The following SULT4A1 variants were observed in gnomAD, a reference collection of about 807,000 sequenced individuals.
SULT4A1 encodes the protein sulfotransferase family 4A member 1.
A neutral mutation model predicts 35.2 loss-of-function variants in SULT4A1; 11 were observed. The observed-to-expected ratio is 0.31, with a 90% CI of 0.20 to 0.52. The LOEUF (loss-of-function observed/expected upper bound fraction) is 0.52, where lower values mean the gene tolerates loss of function less well. Ranked by LOEUF, SULT4A1 falls within the 20% of genes least tolerant of loss-of-function variation. SULT4A1 has a pLI of 0.97. For missense variants in SULT4A1, 271 were observed against 383.7 expected (o/e 0.71, Z 2.45); for synonymous variants, 152 against 151.8 (o/e 1.00, Z -0.01).
rs768152845 is a variant in SULT4A1, at chr22:43,840,068, AGACCAAGGGGAG to A, written c.301-55_301-44del. 7 of 1,492,428 alleles carry A rather than the reference AGACCAAGGGGAG, an allele frequency of 4.7e-6. No individual in the cohort carries two copies. The South Asian group carries it at 7.2e-5, about 15-fold the overall frequency. The allele number at this position is 1,492,428 out of a possible 1,614,324, so 92.4% of individuals were successfully genotyped here. A position where few individuals can be genotyped will look rare whatever the true frequency, so the allele number is the denominator to read the frequency against. On this transcript the variant is annotated intron_variant, in intron 2 of 6. Transcript: ENST00000330884. ...GAGAGGCAGGTCAGAGGAAAGGGTG[AGACCAAGGGGAG>A]GAGTGGGGCCAAGGGGAAGGGGGCC... is the stretch of plus-strand genomic sequence containing the variant.
At chr22:43,841,680 A>G (rs2063430539) in intron 2 of SULT4A1, 122 bp downstream of exon 2, 10 of 1,442,982 alleles carry the variant, frequency 6.9e-6, no homozygotes, top group Non-Finnish European at 9.3e-6. Context: ...TCCCCTGGCT[A>G]TCTGGGGCTA....
At chr22:43,858,339 C>T (rs1386612815) in intron 1 of SULT4A1, among the ~76,000 whole-genome samples, 1 of 152,172 alleles carries the variant, frequency 6.6e-6, no homozygotes, top group Non-Finnish European at 1.5e-5. Flanking sequence ...AGAAGTCATT[C>T]TGCAGGCTTT....
At chr22:43,829,228 C>A (rs1450245038) in intron 5 of SULT4A1, 30 bp from the exon 6 acceptor site, 2 of 1,509,354 alleles carry the variant, frequency 1.3e-6, no homozygotes, top group African/African-American at 2.8e-5. Flanking sequence ...AGCAGAGCAG[C>A]CCATCAGAGG....
At chr22:43,847,318 C>T (rs933098661) in intron 1 of SULT4A1, among the ~76,000 whole-genome samples, 1 of 152,246 alleles carries the variant, frequency 6.6e-6, no homozygotes, top group Non-Finnish European at 1.5e-5. Flanking sequence ...TATCTGGTCA[C>T]TTACCCCATT....
chr22:43,843,303 T>C (rs1381166765), intron 1 of SULT4A1, among the ~76,000 whole-genome samples: 3 of 152,176 alleles, frequency 2.0e-5, no homozygotes, highest in Non-Finnish European at 4.4e-5. Context: ...ACATCTGTAG[T>C]GCCAGCTACT....
At chr22:43,837,164 T>G (rs113707697) in intron 4 of SULT4A1, among the ~76,000 whole-genome samples, 9,555 of 152,196 alleles carry the variant, frequency 0.063, 715 homozygotes, top group African/African-American at 0.18. Context: ...CGGTCCTCAG[T>G]ATGTGCGTGC....
intron 1 of SULT4A1, among the ~76,000 whole-genome samples, chr22:43,859,973 G>C (rs1477044791): frequency 6.6e-6 from 1 of 152,214 alleles, no homozygotes; most frequent in Non-Finnish European, 1.5e-5. Context: ...AAGAATCCGA[G>C]CAAGCAGCAC....
At chr22:43,861,739 G>A (rs902842662) in intron 1 of SULT4A1, among the ~76,000 whole-genome samples, 11 of 152,336 alleles carry the variant, frequency 7.2e-5, no homozygotes, top group Non-Finnish European at 1.0e-4. Flanking sequence ...TGGAAAGGAG[G>A]GACGTTACGT....
At chr22:43,855,617 C>G (rs1159567387) in intron 1 of SULT4A1, among the ~76,000 whole-genome samples, 2 of 152,172 alleles carry the variant, frequency 1.3e-5, no homozygotes, top group East Asian at 3.9e-4. Flanking sequence ...CCTCTCGCTC[C>G]CTCCAGAAGC....
intron 6 of SULT4A1, chr22:43,827,755 C>CA: frequency 3.1e-6 from 1 of 326,794 alleles, no homozygotes; most frequent in Non-Finnish European, 6.1e-6. Flanking sequence ...CGCTGCTTCA[C>CA]CACACACACA....
intron 4 of SULT4A1, among the ~76,000 whole-genome samples, chr22:43,837,124 C>T (rs1603405683): frequency 6.6e-6 from 1 of 152,212 alleles, no homozygotes; most frequent in Non-Finnish European, 1.5e-5. Context: ...TAGTTTCCAC[C>T]GTCTTCAGGA....
At chr22:43,837,569 G>A (rs2063387532) in intron 4 of SULT4A1, among the ~76,000 whole-genome samples, 1 of 152,162 alleles carries the variant, frequency 6.6e-6, no homozygotes, top group African/African-American at 2.4e-5. Flanking sequence ...GGGGCTTCAG[G>A]GTGCGGTCTG....
intron 6 of SULT4A1, among the ~76,000 whole-genome samples, chr22:43,828,293 C>G (rs913690011): frequency 2.6e-5 from 4 of 152,236 alleles, no homozygotes; most frequent in Non-Finnish European, 5.9e-5. Context: ...AAGGCCAGCA[C>G]CCTGGGATTC....
intron 1 of SULT4A1, among the ~76,000 whole-genome samples, chr22:43,848,663 T>C (rs1011846535): frequency 6.6e-6 from 1 of 152,190 alleles, no homozygotes; most frequent in Admixed American, 6.5e-5. Context: ...GTGAGGCCTG[T>C]CATGTTGCTG....
Position 43,862,245 on chromosome 22 carries a change from G to A in SULT4A1, c.138C>T (p.Ser46=), listed in dbSNP as rs755287723. Reference sequence around the variant, plus strand: ...TGGGGTAGGTGACGATCCACACGTCGCTGGGCCGCACCGGGAAGTTGGCGA... The same window carrying A: ...TGGGGTAGGTGACGATCCACACGTCACTGGGCCGCACCGGGAAGTTGGCGA... The part of the protein sequence containing the change: ...EEIANFPVRP[S]DVWIVTYPKS... Residue 46 remains serine, a synonymous_variant, in exon 1 of 7, where the codon AGC becomes AGT. Coordinates refer to ENST00000330884, the MANE Select transcript of SULT4A1 (RefSeq NM_014351.4). 3.1e-5 allele frequency: 49 copies of A among 1,567,378 alleles called. No homozygotes were observed. In the East Asian group the frequency reaches 5.0e-4, roughly 16 times the overall value.
chr22:43,860,415 C>T (rs1010440306), intron 1 of SULT4A1, among the ~76,000 whole-genome samples: 10 of 152,214 alleles, frequency 6.6e-5, no homozygotes, highest in Admixed American at 2.0e-4. Context: ...GCCTTTCCAG[C>T]GTGTGTCTGG....
Position 43,862,311 on chromosome 22 carries a change from G to C in SULT4A1, c.72C>G (p.Gly24=). 6.4e-7 allele frequency: 1 copy of C among 1,561,970 alleles called. No individual in the cohort carries two copies. Among genetic ancestry groups the C allele is most frequent in the Non-Finnish European group, 8.7e-7 (1 of 1,153,014 alleles). ...EFESKYFEFH[G]VRLPPFCRGK... is the part of the protein sequence containing the mutation. ...CGCGGCAGAAGGGCGGCAGCCGCAC[G>C]CCATGGAACTCGAAGTACTTGCTCT... Residue 24 remains glycine (G), a synonymous_variant, in exon 1 of 7, where the codon GGC becomes GGG. Coordinates refer to ENST00000330884, the MANE Select transcript of SULT4A1 (RefSeq NM_014351.4).
In SULT4A1 at chr22:43,824,752, A is replaced by G. The variant is rs2038442448; in HGVS notation, c.*1249T>C. ...CAAGCTTCTCTCTACACCCGTTTCA[A>G]ATACAGCACCAAGAACGGAGACCCC... On this transcript the variant is annotated 3_prime_UTR_variant, in exon 7 of 7. Coordinates refer to ENST00000330884, the MANE Select transcript of SULT4A1 (RefSeq NM_014351.4). 1 of 152,144 alleles carries G rather than the reference A, an allele frequency of 6.6e-6. No individual in the cohort carries two copies. The highest frequency in any genetic ancestry group is 2.4e-5 in the African/African-American group (1 of 41,388). The allele number at this position is 152,144 out of a possible 1,614,324, so 9.4% of individuals were successfully genotyped here. A position where few individuals can be genotyped will look rare whatever the true frequency, so the allele number is the denominator to read the frequency against.
intron 4 of SULT4A1, among the ~76,000 whole-genome samples, chr22:43,837,170 C>T (rs1289051301): frequency 6.6e-6 from 1 of 152,186 alleles, no homozygotes; most frequent in East Asian, 1.9e-4. Flanking sequence ...TCAGTATGTG[C>T]GTGCTCACTG....
Sources: gnomAD v4.1 joint callset for allele counts (sites outside exome capture counted in the v4.1 genomes callset) on GRCh38, gnomAD v4.1.1 for gene constraint, MANE v1.5 for transcripts, NCBI Gene and HGNC (gene_info 2026-07-23, HGNC 2026-07-21) for gene names.